The following CPSF3 variants were observed in gnomAD, a reference collection of about 807,000 sequenced individuals.
CPSF3 encodes the protein cleavage and polyadenylation specific factor 3.
Under a neutral mutation model 84.1 loss-of-function variants are expected in CPSF3, and 57 were observed. The observed-to-expected ratio is 0.68, with a 90% CI of 0.55 to 0.85. The LOEUF (loss-of-function observed/expected upper bound fraction) is 0.85. Ranked by LOEUF, CPSF3 falls within the 40% of genes least tolerant of loss-of-function variation. CPSF3 has a pLI of 0.00. For missense variants in CPSF3, 522 were observed against 838.8 expected (o/e 0.62, Z 4.66); for synonymous variants, 275 against 278.1 (o/e 0.99, Z 0.11).
At chr2:9,462,050 G>A (rs113561894) in intron 15 of CPSF3, among the ~76,000 whole-genome samples, 6 of 152,110 alleles carry the variant, frequency 3.9e-5, no homozygotes, top group Non-Finnish European at 5.9e-5. Flanking sequence ...TTCAGCCACC[G>A]TGCCGGGCCT....
chr2:9,454,237 A>C (rs1447351700), intron 12 of CPSF3, among the ~76,000 whole-genome samples: 1 of 151,382 alleles, frequency 6.6e-6, no homozygotes, highest in Admixed American at 6.6e-5. Context: ...GTAAAACCCC[A>C]TCTCTACTAA....
intron 4 of CPSF3, among the ~76,000 whole-genome samples, chr2:9,431,652 T>C (rs1484698797): frequency 6.6e-6 from 1 of 150,388 alleles, no homozygotes; most frequent in Non-Finnish European, 1.5e-5. Flanking sequence ...CAGGCAATTC[T>C]CATGTCTCAG....
At position 9,436,225 on chromosome 2, in the gene CPSF3, G is replaced by T. The variant is rs554338304; in HGVS notation, c.624G>T (p.Gly208=). Residue 208 remains glycine, a synonymous_variant, in exon 7 of 18, where the codon GGG becomes GGT. Coordinates refer to ENST00000238112, the MANE Select transcript of CPSF3 (RefSeq NM_016207.4). ...PDILIIESTY[G]THIHEKREER... is the part of the protein sequence containing the mutation. ...GTATTATTTAGGAATCTACTTATGG[G>T]ACCCATATCCATGAGAAACGTGAAG... The T allele has an allele frequency of 1.9e-6, 3 of 1,604,588 alleles. No individual in the cohort carries two copies. In the Admixed American group the frequency reaches 5.2e-5, roughly 28 times the overall value.
In CPSF3 at chr2:9,446,636, G is replaced by A. The variant is rs924257612; in HGVS notation, c.1243-1562G>A. Among the ~76,000 whole-genome samples, 9 of 150,802 alleles carry A rather than the reference G, an allele frequency of 6.0e-5. No individual in the cohort carries two copies. The South Asian group carries it at 6.3e-4, about 11-fold the overall frequency. ...TAGGTAGGCATGGTGGTTCACACCTGTATCCCAGCTACTTGGAGGCTGAGG... is the reference window on the plus strand; with the variant it reads ...TAGGTAGGCATGGTGGTTCACACCTATATCCCAGCTACTTGGAGGCTGAGG... On this transcript the variant is annotated intron_variant, in intron 10 of 17. Transcript: ENST00000238112.
At chr2:9,425,253 C>A (rs984482070) in intron 1 of CPSF3, among the ~76,000 whole-genome samples, 14 of 152,224 alleles carry the variant, frequency 9.2e-5, no homozygotes, top group African/African-American at 3.4e-4. Flanking sequence ...GATGAAGCGA[C>A]AGGCAGTTGA....
At chr2:9,428,316 G>A (rs4496315) in intron 1 of CPSF3, among the ~76,000 whole-genome samples, 43,815 of 151,946 alleles carry the variant, frequency 0.29, 7,467 homozygotes, top group Non-Finnish European at 0.39. Context: ...TAAGCCATTT[G>A]GCAAATACAC....
At chr2:9,428,876 T>C in intron 2 of CPSF3, 48 bp downstream of exon 2, 1 of 1,142,818 alleles carries the variant, frequency 8.8e-7, no homozygotes, top group East Asian at 2.3e-5. Context: ...TCTGTCTGTA[T>C]TGGGTGTTAG....
intron 15 of CPSF3, among the ~76,000 whole-genome samples, chr2:9,463,978 TTGA>T (rs1371162141): frequency 6.6e-6 from 1 of 152,194 alleles, no homozygotes; most frequent in Non-Finnish European, 1.5e-5. Context: ...CGATTCTTCC[TTGA>T]TGGCATTTTT....
Position 9,428,756 on chromosome 2 carries a change from T to C in CPSF3, c.51-9T>C. On this transcript the variant is annotated splice_polypyrimidine_tract_variant and intron_variant, in intron 1 of 17. Coordinates refer to ENST00000238112, the MANE Select transcript of CPSF3 (RefSeq NM_016207.4). ...TAATCCTTCTTTTTCTCCCCTTGAA[T>C]ATTTACAGTGGAGCTGGGCAAGAAG... 6.3e-7 allele frequency: 1 copy of C among 1,594,148 alleles called. No homozygotes were observed. The highest frequency in any genetic ancestry group is 8.6e-7 in the Non-Finnish European group (1 of 1,163,378).
chr2:9,450,804 G>A (rs930031357), intron 11 of CPSF3, among the ~76,000 whole-genome samples: 1 of 152,060 alleles, frequency 6.6e-6, no homozygotes, highest in Non-Finnish European at 1.5e-5. Flanking sequence ...GCAACTTTAC[G>A]ACACACTTTT....
intron 12 of CPSF3, among the ~76,000 whole-genome samples, chr2:9,454,639 G>A (rs1032155113): frequency 1.3e-5 from 2 of 150,580 alleles, no homozygotes; most frequent in African/African-American, 2.4e-5. Flanking sequence ...CCACCTCCCG[G>A]GTTCATGCCA....
intron 17 of CPSF3, 31 bp downstream of exon 17, chr2:9,471,470 A>T: frequency 7.6e-7 from 1 of 1,320,554 alleles, no homozygotes; most frequent in Non-Finnish European, 1.1e-6. Flanking sequence ...ACGTTTCAAG[A>T]CATTTGGGAA....
chr2:9,424,163 G>T, intron 1 of CPSF3: 1 of 1,053,716 alleles, frequency 9.5e-7, no homozygotes, highest in South Asian at 3.5e-5. Flanking sequence ...GTCAGGGCAA[G>T]CTGTGAGGGA....
At chr2:9,447,414 G>A (rs1441621335) in intron 10 of CPSF3, among the ~76,000 whole-genome samples, 1 of 152,062 alleles carries the variant, frequency 6.6e-6, no homozygotes, top group East Asian at 1.9e-4. Context: ...TGGAGGTTGA[G>A]GCTGCAGTGA....
rs1041848073 is a variant in CPSF3 at position 9,457,149 on chromosome 2, G to A, written c.1698+122G>A. Reference sequence around the variant, plus strand: ...AAAAGAATATTGTTGGAAAGTATATGTGTGTGTGTGTGTGTGTGTGTGTGT... The same window carrying A: ...AAAAGAATATTGTTGGAAAGTATATATGTGTGTGTGTGTGTGTGTGTGTGT... On this transcript the variant is annotated intron_variant, in intron 14 of 17. Transcript: ENST00000238112. 4.1e-4 allele frequency: 56 copies of A among 135,704 alleles called. No individual in the cohort carries two copies. Among genetic ancestry groups the A allele is most frequent in the Middle Eastern group, 4.2e-3 (2 of 480 alleles). 8.4% of individuals were successfully genotyped at this position (135,704 alleles called of 1,614,324 possible). A position where few individuals can be genotyped will look rare whatever the true frequency, so the allele number is the denominator to read the frequency against.
chr2:9,433,189 C>G (rs1352176010), intron 5 of CPSF3, among the ~76,000 whole-genome samples: 1 of 152,176 alleles, frequency 6.6e-6, no homozygotes, highest in Admixed American at 6.5e-5. Flanking sequence ...TTTCCAGACT[C>G]CAGAGCAGCC....
intron 7 of CPSF3, among the ~76,000 whole-genome samples, chr2:9,438,935 A>T (rs548428592): frequency 6.6e-6 from 1 of 152,222 alleles, no homozygotes; most frequent in African/African-American, 2.4e-5. Context: ...GGCTAGAGCC[A>T]TATGACCTTG....
In CPSF3 at chr2:9,430,810, GGAA is replaced by G; in HGVS notation, c.275_277del (p.Arg92del). The G allele has an allele frequency of 6.2e-7, 1 of 1,613,414 alleles. No individual in the cohort carries two copies. Among genetic ancestry groups the G allele is most frequent in the Non-Finnish European group, 8.5e-7 (1 of 1,179,434 alleles). ...GTTTCTACAGAAGACAAGTTTCAAA[GGAA>G]GAACATTTATGACTCATGCCACAAA... On this transcript the variant is annotated inframe_deletion, in exon 4 of 18. Transcript: ENST00000238112.
chr2:9,460,738 T>A (rs952202568), intron 15 of CPSF3, among the ~76,000 whole-genome samples: 1 of 151,490 alleles, frequency 6.6e-6, no homozygotes, highest in East Asian at 1.9e-4. Context: ...CTCAAATGCC[T>A]GGGGCTCAAA....
Sources: gnomAD v4.1 joint callset for allele counts (sites outside exome capture counted in the v4.1 genomes callset) on GRCh38, gnomAD v4.1.1 for gene constraint, MANE v1.5 for transcripts, NCBI Gene and HGNC (gene_info 2026-07-23, HGNC 2026-07-21) for gene names.